Variants in WDR41 observed in about 807,000 individuals in gnomAD.
The protein encoded by WDR41 is WD repeat domain 41.
WDR41 carries 63 observed loss-of-function variants against 69.3 expected under a neutral mutation model. That is an observed-to-expected ratio of 0.91 (90% CI 0.74 to 1.12). WDR41 has a LOEUF of 1.12. WDR41 is among the 50% of genes most tolerant of loss of function. The probability of loss-of-function intolerance (pLI) is 0.00; values close to 1 mark genes in which losing one functional copy is unlikely to be tolerated. For missense variants in WDR41, 543 were observed against 534.5 expected (o/e 1.02, Z -0.16); for synonymous variants, 185 against 192.1 (o/e 0.96, Z 0.31).
chr5:77,496,680 T>C (rs1405715863), upstream of WDR41, among the ~76,000 whole-genome samples: 1 of 152,074 alleles, frequency 6.6e-6, no homozygotes, highest in Non-Finnish European at 1.5e-5. Flanking sequence ...AAGATATAAA[T>C]ACTTCCCAAA....
At chr5:77,528,654 T>A (rs1193708034) in intron 1 of WDR41, among the ~76,000 whole-genome samples, 1 of 151,600 alleles carries the variant, frequency 6.6e-6, no homozygotes, top group Non-Finnish European at 1.5e-5. Flanking sequence ...GCAAGTAAAA[T>A]TCAACAACAC....
chr5:77,471,020 T>A (rs1456945219), intron 2 of WDR41, among the ~76,000 whole-genome samples: 1 of 152,210 alleles, frequency 6.6e-6, no homozygotes, highest in Non-Finnish European at 1.5e-5. Flanking sequence ...GACCACATAG[T>A]TGGAAGTAAA....
At chr5:77,589,435 C>T (rs1050139956) in intron 1 of WDR41, among the ~76,000 whole-genome samples, 1 of 151,946 alleles carries the variant, frequency 6.6e-6, no homozygotes, top group African/African-American at 2.4e-5. Flanking sequence ...AAGAAAAAAC[C>T]GGCTTGGATT....
chr5:77,599,651 G>A (rs1260295672), intron 1 of WDR41, among the ~76,000 whole-genome samples: 1 of 152,220 alleles, frequency 6.6e-6, no homozygotes, highest in African/African-American at 2.4e-5. Context: ...GGTGGGAAGA[G>A]AGGTGAAGAA....
intron 1 of WDR41, among the ~76,000 whole-genome samples, chr5:77,558,164 A>G (rs551913385): frequency 6.6e-6 from 1 of 151,256 alleles, no homozygotes; most frequent in African/African-American, 2.4e-5. Context: ...CGATTCTTCA[A>G]ATGTTAATAT....
At chr5:77,464,562 A>G (rs375516007) in intron 3 of WDR41, among the ~76,000 whole-genome samples, 199 bp downstream of exon 3, 1 of 152,210 alleles carries the variant, frequency 6.6e-6, no homozygotes, top group Non-Finnish European at 1.5e-5. Context: ...AAAAATCTCA[A>G]TTTAAAAAAA....
At chr5:77,461,698 C>T (rs1367284606) in intron 4 of WDR41, among the ~76,000 whole-genome samples, 1 of 152,070 alleles carries the variant, frequency 6.6e-6, no homozygotes, top group Non-Finnish European at 1.5e-5. Context: ...ATTAGCCGGA[C>T]GTGGTGGCAG....
chr5:77,556,806 A>G (rs913710919), intron 1 of WDR41, among the ~76,000 whole-genome samples: 1 of 152,218 alleles, frequency 6.6e-6, no homozygotes, highest in African/African-American at 2.4e-5. Context: ...AGAACAGGAC[A>G]GGCATCCAAG....
chr5:77,493,463 G>C (rs1418126170), upstream of WDR41, among the ~76,000 whole-genome samples: 1 of 152,128 alleles, frequency 6.6e-6, no homozygotes, highest in Non-Finnish European at 1.5e-5. Flanking sequence ...ACCAATAAGA[G>C]AGAGCCATAC....
chr5:77,586,875 C>G (rs552146329), intron 1 of WDR41, among the ~76,000 whole-genome samples: 1 of 149,956 alleles, frequency 6.7e-6, no homozygotes, highest in African/African-American at 2.5e-5. Flanking sequence ...CGTGCCAGTA[C>G]GCCTGGCTAA....
chr5:77,510,388 T>C (rs1802179998), intron 1 of WDR41, among the ~76,000 whole-genome samples: 1 of 152,006 alleles, frequency 6.6e-6, no homozygotes, highest in Non-Finnish European at 1.5e-5. Flanking sequence ...AGCTACAAGA[T>C]GAGATTTGGG....
chr5:77,618,624 C>T (rs1744722149), intron 1 of WDR41, among the ~76,000 whole-genome samples: 1 of 152,164 alleles, frequency 6.6e-6, no homozygotes, highest in Non-Finnish European at 1.5e-5. Flanking sequence ...CCACCTGCCT[C>T]GGCCTCCTGA....
rs555918362 is a variant in WDR41 at position 77,501,465 on chromosome 5, T to C, written c.43-11893A>G. 6.7e-3 allele frequency among the ~76,000 whole-genome samples: 1,016 copies of C among 152,312 alleles called. 9 individuals are homozygous for C. The highest frequency in any genetic ancestry group is 0.023 in the African/African-American group (973 of 41,576). On this transcript the variant is annotated intron_variant, in intron 1 of 5. Coordinates refer to the WDR41 transcript ENST00000509971. ...CGGGCAGGGCATAGCTGAACAAAAG[T>C]CAGCAGACAACTTCTGCAGACTTAA...
intron 1 of WDR41, among the ~76,000 whole-genome samples, chr5:77,538,686 T>C (rs1438407207): frequency 6.6e-6 from 1 of 152,190 alleles, no homozygotes; most frequent in Non-Finnish European, 1.5e-5. Context: ...ATTTCATTCT[T>C]TAAAAATGTA....
In WDR41 at chr5:77,526,520, A is replaced by G. The variant is rs138848845; in HGVS notation, c.43-36948T>C. The stretch of plus-strand genomic sequence containing the variant: ...ATCCAATTTTTCTTGCTTTTTATAA[A>G]CTTCTATTCTGAACTGGTACCTTAG... On this transcript the variant is annotated intron_variant, in intron 1 of 5. Transcript: ENST00000509971. 1.9e-4 allele frequency among the ~76,000 whole-genome samples: 29 copies of G among 152,140 alleles called. No individual in the cohort carries two copies. The East Asian group carries it at 4.6e-3, about 24-fold the overall frequency.
intron 1 of WDR41, among the ~76,000 whole-genome samples, chr5:77,589,068 A>T (rs1744090489): frequency 6.6e-6 from 1 of 152,174 alleles, no homozygotes; most frequent in African/African-American, 2.4e-5. Context: ...CTGACACCTT[A>T]TTCAACCTCA....
intron 1 of WDR41, among the ~76,000 whole-genome samples, chr5:77,509,346 G>C (rs77233438): frequency 6.6e-6 from 1 of 151,968 alleles, no homozygotes; most frequent in East Asian, 1.9e-4. Context: ...AAATGAAGGG[G>C]TCCCAGCAAT....
chr5:77,453,186 A>G (rs1799692239), intron 6 of WDR41, among the ~76,000 whole-genome samples: 1 of 152,236 alleles, frequency 6.6e-6, no homozygotes, highest in Non-Finnish European at 1.5e-5. Context: ...AACAACATGC[A>G]CAACAATGTT....
chr5:77,498,111 A>T (rs1801961636), intron 1 of WDR41, among the ~76,000 whole-genome samples: 1 of 152,188 alleles, frequency 6.6e-6, no homozygotes, highest in Admixed American at 6.5e-5. Context: ...GGGAGTTATT[A>T]TTGAATGAGT....
Sources: gnomAD v4.1 joint callset for allele counts (sites outside exome capture counted in the v4.1 genomes callset) on GRCh38, gnomAD v4.1.1 for gene constraint, MANE v1.5 for transcripts, NCBI Gene and HGNC (gene_info 2026-07-23, HGNC 2026-07-21) for gene names.